CNTNAP2: variants seen among roughly 807,000 people sequenced by gnomAD.
CNTNAP2 encodes the protein contactin-associated protein-like 2.
A neutral mutation model predicts 155.2 loss-of-function variants in CNTNAP2; 98 were observed. The ratio of observed to expected loss-of-function variants is 0.63; its 90% CI spans 0.54 to 0.75. CNTNAP2 has a LOEUF of 0.75. Ranked by LOEUF, CNTNAP2 falls within the 30% of genes least tolerant of loss-of-function variation. The pLI is 0.00. For synonymous variants in CNTNAP2, 651 were observed against 631.2 expected (o/e 1.03, Z -0.47); for missense variants, 1,727 against 1,688.1 (o/e 1.02, Z -0.40).
rs79253952 is a variant in CNTNAP2 at position 147,455,171 on chromosome 7, C to G, written c.1671-30764C>G. ...TAATATTGAAGAAGTAGACTTGATT[C>G]ACCAAAGCTTCTATTTCATTTATTT... On this transcript the variant is annotated intron_variant, in intron 10 of 23. Transcript: ENST00000361727. Among the ~76,000 whole-genome samples the G allele has an allele frequency of 4.8e-3, 734 of 152,182 alleles. 7 individuals carry two copies. Among genetic ancestry groups the G allele is most frequent in the East Asian group, 0.045 (233 of 5,174 alleles).
intron 1 of CNTNAP2, among the ~76,000 whole-genome samples, chr7:146,476,557 C>T (rs541893083): frequency 4.5e-4 from 69 of 152,046 alleles, no homozygotes; most frequent in African/African-American, 1.5e-3. Context: ...ATGAATTGAA[C>T]GTAGAGTTGT....
intron 1 of CNTNAP2, among the ~76,000 whole-genome samples, chr7:146,505,627 T>C (rs928056508): frequency 1.3e-5 from 2 of 152,228 alleles, no homozygotes; most frequent in Non-Finnish European, 2.9e-5. Context: ...ATGTAAATCA[T>C]ACTATAGGCT....
intron 3 of CNTNAP2, among the ~76,000 whole-genome samples, chr7:146,899,476 C>T (rs957060458): frequency 2.1e-5 from 3 of 139,604 alleles, no homozygotes; most frequent in Admixed American, 1.4e-4. Flanking sequence ...CCTGGCTCTT[C>T]TCTCTTTCAC....
chr7:147,223,767 C>G (rs1242273460), intron 8 of CNTNAP2, among the ~76,000 whole-genome samples: 1 of 151,622 alleles, frequency 6.6e-6, no homozygotes, highest in Non-Finnish European at 1.5e-5. Flanking sequence ...ATGGTGGAAC[C>G]CCATCTCTAC....
At chr7:147,736,610 A>G (rs565951502) in intron 13 of CNTNAP2, among the ~76,000 whole-genome samples, 5 of 151,958 alleles carry the variant, frequency 3.3e-5, no homozygotes, top group Non-Finnish European at 7.3e-5. Context: ...AATATTCTGC[A>G]GAGTGTTTTC....
At chr7:147,735,505 T>C (rs1796826092) in intron 13 of CNTNAP2, among the ~76,000 whole-genome samples, 1 of 152,164 alleles carries the variant, frequency 6.6e-6, no homozygotes, top group Admixed American at 6.5e-5. Flanking sequence ...TCTGTTGATT[T>C]GGGGTGGAGA....
intron 13 of CNTNAP2, among the ~76,000 whole-genome samples, chr7:147,874,179 G>T (rs551829957): frequency 1.3e-5 from 2 of 152,280 alleles, no homozygotes; most frequent in African/African-American, 4.8e-5. Flanking sequence ...CTGGAGGACG[G>T]TGACGCTCTT....
At position 147,647,307 on chromosome 7, in the gene CNTNAP2, C is replaced by CT. The variant is rs879583841; in HGVS notation, c.2098+8013dup. Among the ~76,000 whole-genome samples the CT allele has an allele frequency of 3.5e-3, 503 of 144,438 alleles. 1 individual carries two copies. Among genetic ancestry groups the CT allele is most frequent in the African/African-American group, 5.3e-3 (212 of 39,732 alleles). 94.8% of individuals were successfully genotyped at this position (144,438 alleles called of 152,430 possible). A position where few individuals can be genotyped will look rare whatever the true frequency, so the allele number is the denominator to read the frequency against. ...TGAGCCACCGCGCCCGGCCAGTTCACTTTTTTTTTTTTAACGAGGGTCAGA... is the reference window on the plus strand; with the variant it reads ...TGAGCCACCGCGCCCGGCCAGTTCACTTTTTTTTTTTTTAACGAGGGTCAGA... On this transcript the variant is annotated intron_variant, in intron 13 of 23. Coordinates refer to ENST00000361727, the MANE Select transcript of CNTNAP2 (RefSeq NM_014141.6).
chr7:147,257,100 T>C (rs1804348872), intron 8 of CNTNAP2, among the ~76,000 whole-genome samples: 1 of 152,040 alleles, frequency 6.6e-6, no homozygotes, highest in Non-Finnish European at 1.5e-5. Flanking sequence ...TGAAAAGGCT[T>C]TGGTTTGGGG....
intron 8 of CNTNAP2, among the ~76,000 whole-genome samples, chr7:147,296,445 G>C (rs1805446547): frequency 6.6e-6 from 1 of 152,144 alleles, no homozygotes; most frequent in Non-Finnish European, 1.5e-5. Flanking sequence ...GCCTTTACAT[G>C]CATAGAGTAA....
At chr7:146,408,145 G>GA (rs914838134) in intron 1 of CNTNAP2, among the ~76,000 whole-genome samples, 4 of 152,008 alleles carry the variant, frequency 2.6e-5, no homozygotes, top group African/African-American at 9.7e-5. Context: ...ACCGTATCTG[G>GA]AAAAAAGTCA....
chr7:146,353,451 T>A (rs972723447), intron 1 of CNTNAP2, among the ~76,000 whole-genome samples: 4 of 152,212 alleles, frequency 2.6e-5, no homozygotes, highest in African/African-American at 9.6e-5. Context: ...CCTCTTTATC[T>A]ACATTCATGG....
In CNTNAP2 at chr7:147,653,686, G is replaced by A. The variant is rs796153709; in HGVS notation, c.2098+14380G>A. Among the ~76,000 whole-genome samples the A allele has an allele frequency of 1.1e-4, 17 of 152,278 alleles. 1 individual carries two copies. Among genetic ancestry groups the A allele is most frequent in the African/African-American group, 3.6e-4 (15 of 41,570 alleles). On this transcript the variant is annotated intron_variant, in intron 13 of 23. Transcript: ENST00000361727. ...GGGGAGGGAGGTCCTGCGCAGGAAGGCAAGGCCCTGGTGGACAGCAACAGC... is the reference window on the plus strand; with the variant it reads ...GGGGAGGGAGGTCCTGCGCAGGAAGACAAGGCCCTGGTGGACAGCAACAGC...
At chr7:147,530,254 C>T (rs1407224903) in intron 11 of CNTNAP2, among the ~76,000 whole-genome samples, 2 of 148,662 alleles carry the variant, frequency 1.3e-5, no homozygotes, top group African/African-American at 5.0e-5. Flanking sequence ...GGCACGATCT[C>T]AGCTCACCAC....
intron 13 of CNTNAP2, among the ~76,000 whole-genome samples, chr7:147,753,003 T>TGTAG (rs1797161522): frequency 6.6e-6 from 1 of 152,224 alleles, no homozygotes; most frequent in African/African-American, 2.4e-5. Context: ...CTATGATAAA[T>TGTAG]GTAGTGTTTA....
In CNTNAP2 at chr7:146,239,562, A is replaced by T. The variant is rs370468505; in HGVS notation, c.97+122589A>T. Among the ~76,000 whole-genome samples, 16 of 152,314 alleles carry T rather than the reference A, an allele frequency of 1.1e-4. No individual in the cohort carries two copies. The East Asian group carries it at 1.3e-3, about 13-fold the overall frequency. On this transcript the variant is annotated intron_variant, in intron 1 of 23. Transcript: ENST00000361727. ...ACACTGTTTCAATCTTCTCACATTC[A>T]TCTGACTTCCCTCCAGCCTACCTCA...
intron 12 of CNTNAP2, among the ~76,000 whole-genome samples, chr7:147,605,591 C>T (rs895412057): frequency 9.2e-5 from 14 of 152,058 alleles, no homozygotes; most frequent in African/African-American, 3.1e-4. Flanking sequence ...GCATGGTGTC[C>T]GCCCTTCTTG....
intron 18 of CNTNAP2, among the ~76,000 whole-genome samples, chr7:148,207,935 A>C (rs1403329537): frequency 1.3e-5 from 2 of 152,110 alleles, no homozygotes; most frequent in Non-Finnish European, 2.9e-5. Context: ...AATACAAAAA[A>C]AAATTAGCCG....
At chr7:146,466,140 T>C (rs1796714138) in intron 1 of CNTNAP2, among the ~76,000 whole-genome samples, 2 of 152,180 alleles carry the variant, frequency 1.3e-5, no homozygotes. Flanking sequence ...TACTTCCAAC[T>C]AACCAGCAAA....
Sources: allele counts gnomAD v4.1 joint callset (sites outside exome capture counted in the v4.1 genomes callset), GRCh38; gene constraint gnomAD v4.1.1; transcripts MANE v1.5; gene names NCBI Gene and HGNC (gene_info 2026-07-23, HGNC 2026-07-21).